THSD4: variants seen among roughly 807,000 people sequenced by gnomAD.
THSD4 encodes thrombospondin type-1 domain-containing protein 4.
THSD4 carries 69 observed loss-of-function variants against 119.0 expected under a neutral mutation model. The observed-to-expected ratio is 0.58, with a 90% CI of 0.48 to 0.71. The LOEUF (loss-of-function observed/expected upper bound fraction) is 0.71. THSD4 is among the 30% of genes least tolerant of loss of function. The pLI is 0.00. For missense variants in THSD4, 1,393 were observed against 1,391.1 expected (o/e 1.00, Z -0.02); for synonymous variants, 524 against 540.4 (o/e 0.97, Z 0.42).
chr15:71,384,734 C>G (rs2046274640), intron 6 of THSD4, among the ~76,000 whole-genome samples: 1 of 152,312 alleles, frequency 6.6e-6, no homozygotes. Context: ...CAGTGCCGTT[C>G]ATTTGGAACC....
intron 6 of THSD4, among the ~76,000 whole-genome samples, chr15:71,266,844 G>A (rs1157757349): frequency 1.3e-5 from 2 of 151,758 alleles, no homozygotes; most frequent in African/African-American, 4.8e-5. Context: ...AATTGATCAA[G>A]CAGAAGAAAG....
chr15:71,204,624 T>G (rs1326015187), intron 3 of THSD4, among the ~76,000 whole-genome samples: 1 of 152,116 alleles, frequency 6.6e-6, no homozygotes, highest in Non-Finnish European at 1.5e-5. Context: ...TGGCCTCAAA[T>G]CACAAAGAGA....
chr15:71,264,372 C>A (rs192887811), intron 6 of THSD4, among the ~76,000 whole-genome samples: 1 of 152,182 alleles, frequency 6.6e-6, no homozygotes, highest in African/African-American at 2.4e-5. Context: ...CTGGAATGCT[C>A]CCCACAAGAT....
chr15:71,278,662 G>T (rs567475519), intron 6 of THSD4, among the ~76,000 whole-genome samples: 1 of 152,280 alleles, frequency 6.6e-6, no homozygotes, highest in African/African-American at 2.4e-5. Flanking sequence ...ACTAGTCTCT[G>T]ATGGGGCAAG....
At chr15:71,694,048 G>T (rs1394193067) in intron 8 of THSD4, among the ~76,000 whole-genome samples, 1 of 151,896 alleles carries the variant, frequency 6.6e-6, no homozygotes, top group Non-Finnish European at 1.5e-5. Context: ...AGAAAGAAAA[G>T]CCAGTGTCAA....
intron 6 of THSD4, among the ~76,000 whole-genome samples, chr15:71,326,700 A>AAAAAAAAATAT (rs1555464320): frequency 1.5e-4 from 1 of 6,454 alleles, no homozygotes; most frequent in Non-Finnish European, 3.6e-4. Flanking sequence ...AAAAAAAAAA[A>AAAAAAAAATAT]ATATATATAT....
chr15:71,247,666 C>G (rs533031308), intron 5 of THSD4, among the ~76,000 whole-genome samples: 2 of 152,218 alleles, frequency 1.3e-5, no homozygotes, highest in Admixed American at 1.3e-4. Flanking sequence ...ACTCAAGGAG[C>G]TCTTGGTGGA....
chr15:71,748,493 G>C lies in THSD4; in HGVS notation c.2314G>C (p.Asp772His). The C allele has an allele frequency of 6.2e-7, 1 of 1,614,246 alleles. No homozygotes were observed. The change falls in exon 14 of 18, where the codon GAC becomes CAC. Residue 772 changes from aspartate (D) to histidine (H), a missense_variant. By Grantham distance (81) the Asp-to-His change is moderately conservative. Coordinates refer to ENST00000261862, the MANE Select transcript of THSD4 (RefSeq NM_024817.3). ...KCVSNIGDVV[D>H]DEECNMKLRP... ...TGTGAGCAACATTGGGGATGTGGTTGACGATGAGGAATGCAACATGAAGCT... is the reference window on the plus strand; with the variant it reads ...TGTGAGCAACATTGGGGATGTGGTTCACGATGAGGAATGCAACATGAAGCT...
At chr15:71,391,250 T>C (rs1391094491) in intron 6 of THSD4, among the ~76,000 whole-genome samples, 2 of 152,068 alleles carry the variant, frequency 1.3e-5, no homozygotes, top group Admixed American at 6.5e-5. Flanking sequence ...AGGATGGTCT[T>C]GATCTCCTGA....
rs151334298 is a variant in THSD4 at position 71,384,165 on chromosome 15, G to T, written c.1016-27522G>T. 1.4e-3 allele frequency among the ~76,000 whole-genome samples: 216 copies of T among 152,310 alleles called. 2 individuals carry two copies. Among genetic ancestry groups the T allele is most frequent in the African/African-American group, 5.0e-3 (207 of 41,582 alleles). On this transcript the variant is annotated intron_variant, in intron 6 of 17. Transcript: ENST00000261862. ...GAGGCCGAGGCGGGCGGATCACGAT[G>T]TCAGGAGATCGAGACCATCCTGACT...
At chr15:71,450,726 C>T (rs2047252368) in intron 7 of THSD4, among the ~76,000 whole-genome samples, 1 of 152,116 alleles carries the variant, frequency 6.6e-6, no homozygotes, top group Non-Finnish European at 1.5e-5. Flanking sequence ...TTCTAGGTTC[C>T]TTGGCTGGGC....
At chr15:71,483,439 A>G (rs893954371) in intron 7 of THSD4, among the ~76,000 whole-genome samples, 4 of 152,118 alleles carry the variant, frequency 2.6e-5, no homozygotes, top group African/African-American at 9.7e-5. Flanking sequence ...TATTTCAGGG[A>G]GAATGATGTT....
chr15:71,386,765 AAAT>A (rs535056214), intron 6 of THSD4, among the ~76,000 whole-genome samples: 9 of 152,334 alleles, frequency 5.9e-5, no homozygotes, highest in African/African-American at 2.2e-4. Flanking sequence ...AGCTTTAAAT[AAAT>A]AATACTTTTT....
At chr15:71,655,522 A>G (rs2051173324) in intron 7 of THSD4, among the ~76,000 whole-genome samples, 1 of 152,218 alleles carries the variant, frequency 6.6e-6, no homozygotes, top group Non-Finnish European at 1.5e-5. Flanking sequence ...AAAGACAAAG[A>G]TGACAAAACC....
chr15:71,345,920 C>A (rs1181779241), intron 6 of THSD4, among the ~76,000 whole-genome samples: 5 of 151,774 alleles, frequency 3.3e-5, no homozygotes, highest in Admixed American at 6.6e-5. Flanking sequence ...TGATACATTG[C>A]CACTCCCCCA....
chr15:71,580,781 T>C (rs761519931), intron 7 of THSD4, among the ~76,000 whole-genome samples: 29 of 152,326 alleles, frequency 1.9e-4, no homozygotes, highest in Middle Eastern at 3.4e-3. Flanking sequence ...CTTAGCATAA[T>C]GTACTCCAGG....
At chr15:71,205,454 C>T (rs1055032501) in intron 3 of THSD4, among the ~76,000 whole-genome samples, 7 of 152,186 alleles carry the variant, frequency 4.6e-5, no homozygotes, top group Non-Finnish European at 8.8e-5. Flanking sequence ...CTTTCCTCTG[C>T]ATGGTTCATA....
intron 7 of THSD4, among the ~76,000 whole-genome samples, chr15:71,513,999 G>A (rs1040012659): frequency 6.6e-6 from 1 of 152,144 alleles, no homozygotes; most frequent in African/African-American, 2.4e-5. Context: ...GAAAGTAGTT[G>A]CCTCCATTTA....
intron 7 of THSD4, among the ~76,000 whole-genome samples, chr15:71,633,884 A>G (rs1392062645): frequency 6.6e-6 from 1 of 152,050 alleles, no homozygotes; most frequent in Admixed American, 6.6e-5. Context: ...TAGCTCCATC[A>G]TCTGTGAAAT....
Sources: gnomAD v4.1 joint callset for allele counts (sites outside exome capture counted in the v4.1 genomes callset) on GRCh38, gnomAD v4.1.1 for gene constraint, MANE v1.5 for transcripts, NCBI Gene and HGNC (gene_info 2026-07-23, HGNC 2026-07-21) for gene names.